Variants in GPR141 observed in about 807,000 individuals in gnomAD.
GPR141 encodes G protein-coupled receptor 141.
In GPR141, 6 loss-of-function variants were observed where a neutral mutation model predicts 6.8. The observed-to-expected ratio is 0.88, with a 90% CI of 0.48 to 1.74. The LOEUF is 1.74. Ranked by LOEUF, GPR141 falls within the 40% of genes most tolerant of loss-of-function variation. The probability of loss-of-function intolerance (pLI) is 0.01; values close to 1 mark genes in which losing one functional copy is unlikely to be tolerated. For missense variants in GPR141, 372 were observed against 372.9 expected (o/e 1.00, Z 0.02); for synonymous variants, 140 against 142.3 (o/e 0.98, Z 0.11).
intron 2 of GPR141, among the ~76,000 whole-genome samples, chr7:37,724,012 C>T (rs902550118): frequency 3.2e-4 from 49 of 152,312 alleles, no homozygotes; most frequent in Admixed American, 1.9e-3. Context: ...TCCTTATTTT[C>T]GAGAACATGG....
intron 2 of GPR141, among the ~76,000 whole-genome samples, chr7:37,697,589 G>A (rs546075676): frequency 6.6e-6 from 1 of 152,270 alleles, no homozygotes; most frequent in Admixed American, 6.5e-5. Flanking sequence ...TGGTGGTTTA[G>A]GAAGGAGGGA....
chr7:37,697,005 A>G (rs1810048437), intron 2 of GPR141, among the ~76,000 whole-genome samples: 1 of 152,228 alleles, frequency 6.6e-6, no homozygotes, highest in African/African-American at 2.4e-5. Context: ...AGAGAGACAG[A>G]GAGATTCAAA....
In GPR141 at chr7:37,741,837, T is replaced by A. The variant is rs1005327199; in HGVS notation, c.*526T>A. ...AGGGGAGAGAATAGTTAAAAATTTT[T>A]CTAGGGTATCATAACTCTGGTAGGA... On this transcript the variant is annotated 3_prime_UTR_variant, in exon 3 of 3. Transcript: ENST00000334425. Among the ~76,000 whole-genome samples, 1 of 152,316 alleles carries A rather than the reference T, an allele frequency of 6.6e-6. No homozygotes were observed. The highest frequency in any genetic ancestry group is 6.5e-5 in the Admixed American group (1 of 15,296).
rs1441329355 is a variant in GPR141, at chr7:37,740,418, A to G, written c.25A>G (p.Asn9Asp). 3.1e-6 allele frequency: 5 copies of G among 1,603,864 alleles called. No individual in the cohort carries two copies. The highest frequency in any genetic ancestry group is 2.6e-6 in the Non-Finnish European group (3 of 1,172,510). The change falls in exon 3 of 3, where the codon AAT becomes GAT. Residue 9 changes from asparagine (N) to aspartate (D), a missense_variant. Coordinates refer to ENST00000334425, the MANE Select transcript of GPR141 (RefSeq NM_001381946.1). ...TATGCCTGGCCACAATACCTCCAGG[A>G]ATTCCTCTTGCGATCCTATAGTGAC... MPGHNTSR[N>D]SSCDPIVTPH...
intron 1 of GPR141, among the ~76,000 whole-genome samples, chr7:37,684,889 G>C (rs1313128957): frequency 6.6e-6 from 1 of 152,212 alleles, no homozygotes; most frequent in Admixed American, 6.5e-5. Flanking sequence ...CAATGGATGA[G>C]GAATCAGGTG....
At chr7:37,715,539 C>T (rs1213976387) in intron 2 of GPR141, among the ~76,000 whole-genome samples, 1 of 152,150 alleles carries the variant, frequency 6.6e-6, no homozygotes, top group Non-Finnish European at 1.5e-5. Flanking sequence ...CAGTCTTACG[C>T]TGGGTGCTTT....
chr7:37,741,285 T>A lies in GPR141; in HGVS notation c.892T>A (p.Leu298Ile), dbSNP rs1220976253. The A allele has an allele frequency of 6.3e-7, 1 of 1,596,714 alleles. No homozygotes were observed. Among genetic ancestry groups the A allele is most frequent in the Non-Finnish European group, 8.5e-7 (1 of 1,169,976 alleles). Reference protein sequence around the residue: ...SHWFKQKIIGLWNCVLCR With the variant: ...SHWFKQKIIGIWNCVLCR ...TTGGTTTAAGCAAAAGATAATTGGC[T>A]TATGGAATTGTGTTTTGTGCCGTTA... is the stretch of plus-strand genomic sequence containing the variant. Residue 298 changes from leucine (L) to isoleucine (I), a missense_variant, in exon 3 of 3, where the codon TTA becomes ATA. Coordinates refer to ENST00000334425, the MANE Select transcript of GPR141 (RefSeq NM_001381946.1).
intron 2 of GPR141, among the ~76,000 whole-genome samples, chr7:37,717,583 C>T (rs73344297): frequency 6.6e-6 from 1 of 152,124 alleles, no homozygotes; most frequent in African/African-American, 2.4e-5. Context: ...TCTCTCACCC[C>T]CCTTGTTGTG....
chr7:37,727,947 C>G (rs1303087543), intron 2 of GPR141, among the ~76,000 whole-genome samples: 1 of 152,192 alleles, frequency 6.6e-6, no homozygotes, highest in Non-Finnish European at 1.5e-5. Flanking sequence ...GATTCTCACC[C>G]ACGTTCTCCT....
Position 37,697,389 on chromosome 7 carries a change from T to A in GPR141, c.-15+11806T>A, listed in dbSNP as rs75739510. On this transcript the variant is annotated intron_variant, in intron 2 of 2. Transcript: ENST00000334425. ...AGTGGGTAGTTAGTTTTGTAGCTAG[T>A]TTTCTAGAATATGTCCTAATACAAT... is the stretch of plus-strand genomic sequence containing the variant. Among the ~76,000 whole-genome samples, 543 of 152,292 alleles carry A rather than the reference T, an allele frequency of 3.6e-3. 22 individuals carry two copies. In the East Asian group the frequency reaches 0.095, roughly 27 times the overall value.
At chr7:37,731,455 C>T (rs896569964) in intron 2 of GPR141, among the ~76,000 whole-genome samples, 3 of 152,204 alleles carry the variant, frequency 2.0e-5, no homozygotes, top group African/African-American at 4.8e-5. Context: ...TCTAGAATAG[C>T]ATCCCATATG....
chr7:37,717,228 G>A (rs573202042), intron 2 of GPR141, among the ~76,000 whole-genome samples: 2 of 152,344 alleles, frequency 1.3e-5, no homozygotes, highest in Admixed American at 1.3e-4. Flanking sequence ...GAGGGCTTGC[G>A]AGAAGAAGAA....
chr7:37,733,463 G>A (rs1415933046), intron 2 of GPR141, among the ~76,000 whole-genome samples: 1 of 152,038 alleles, frequency 6.6e-6, no homozygotes, highest in Admixed American at 6.5e-5. Flanking sequence ...CCTGAGGTCA[G>A]GAGTTCAAGA....
intron 2 of GPR141, among the ~76,000 whole-genome samples, chr7:37,714,689 T>C (rs1162079334): frequency 6.6e-6 from 1 of 152,254 alleles, no homozygotes; most frequent in Non-Finnish European, 1.5e-5. Context: ...GTCCTCACTT[T>C]CCAATGAATA....
At chr7:37,722,785 C>CAA (rs962787881) in intron 2 of GPR141, among the ~76,000 whole-genome samples, 2 of 150,738 alleles carry the variant, frequency 1.3e-5, no homozygotes, top group African/African-American at 4.9e-5. Flanking sequence ...ACATTACTAG[C>CAA]AAAAAACATG....
At chr7:37,737,456 T>C (rs1205113011) in intron 2 of GPR141, among the ~76,000 whole-genome samples, 1 of 152,222 alleles carries the variant, frequency 6.6e-6, no homozygotes, top group Non-Finnish European at 1.5e-5. Context: ...ACTACTGTCT[T>C]GTCAAATGGT....
At chr7:37,684,051 C>T (rs188329579) in intron 1 of GPR141, 148 bp downstream of exon 1, 1 of 152,296 alleles carries the variant, frequency 6.6e-6, no homozygotes, top group East Asian at 1.9e-4. Flanking sequence ...ACAACTCCTC[C>T]TTTATAGAAA....
chr7:37,714,768 G>A lies in GPR141; in HGVS notation c.-14-25612G>A, dbSNP rs191209757. Reference sequence around the variant, plus strand: ...TTCATGTTGTTTTCATATGCCATTCGTGTAGCAAGCACTGTTACGCCATGG... The same window carrying A: ...TTCATGTTGTTTTCATATGCCATTCATGTAGCAAGCACTGTTACGCCATGG... On this transcript the variant is annotated intron_variant, in intron 2 of 2. Coordinates refer to ENST00000334425, the MANE Select transcript of GPR141 (RefSeq NM_001381946.1). 1.1e-3 allele frequency among the ~76,000 whole-genome samples: 164 copies of A among 152,226 alleles called. 1 individual carries two copies. The highest frequency in any genetic ancestry group is 3.8e-3 in the African/African-American group (157 of 41,544).
chr7:37,738,532 T>C (rs1274103988), intron 2 of GPR141, among the ~76,000 whole-genome samples: 1 of 152,164 alleles, frequency 6.6e-6, no homozygotes, highest in Non-Finnish European at 1.5e-5. Flanking sequence ...CAGTGTAACA[T>C]GAGACAGCTG....
Sources: gnomAD v4.1 joint callset for allele counts (sites outside exome capture counted in the v4.1 genomes callset) on GRCh38, gnomAD v4.1.1 for gene constraint, MANE v1.5 for transcripts, NCBI Gene and HGNC (gene_info 2026-07-23, HGNC 2026-07-21) for gene names.